The following FANCL variants were observed in gnomAD, a reference collection of about 807,000 sequenced individuals.
The protein encoded by FANCL is E3 ubiquitin-protein ligase FANCL.
A neutral mutation model predicts 59.4 loss-of-function variants in FANCL; 69 were observed. That is an observed-to-expected ratio of 1.16 (90% CI 0.96 to 1.42). FANCL has a LOEUF of 1.42. Among genes scored for constraint, FANCL ranks in the 40% most tolerant of loss-of-function variants. The pLI is 0.00. For missense variants in FANCL, 519 were observed against 447.2 expected (o/e 1.16, Z -1.45); for synonymous variants, 180 against 147.1 (o/e 1.22, Z -1.62).
At chr2:58,159,951 A>C in intron 13 of FANCL, 151 bp from the exon 14 acceptor site, 2 of 1,525,982 alleles carry the variant, frequency 1.3e-6, no homozygotes, top group Non-Finnish European at 1.8e-6. Flanking sequence ...CTAGAAAAGG[A>C]GTTTAATGTT....
At chr2:58,226,821 A>T in intron 3 of FANCL, 37 bp from the exon 4 acceptor site, 1 of 1,556,316 alleles carries the variant, frequency 6.4e-7, no homozygotes, top group South Asian at 1.1e-5. Context: ...TCATTTGCAC[A>T]ATAAATATTC....
intron 7 of FANCL, among the ~76,000 whole-genome samples, chr2:58,169,535 A>C (rs954591496): frequency 6.6e-6 from 1 of 152,112 alleles, no homozygotes; most frequent in Non-Finnish European, 1.5e-5. Flanking sequence ...AGGGAACAAA[A>C]CTGGACAGAG....
intron 1 of FANCL, among the ~76,000 whole-genome samples, chr2:58,234,320 G>A (rs1419087611): frequency 6.6e-6 from 1 of 151,804 alleles, no homozygotes; most frequent in African/African-American, 2.4e-5. Flanking sequence ...TGAATGAGCT[G>A]AATAAACGCA....
intron 7 of FANCL, among the ~76,000 whole-genome samples, chr2:58,167,896 C>T (rs1404878179): frequency 6.6e-6 from 1 of 152,034 alleles, no homozygotes; most frequent in Non-Finnish European, 1.5e-5. Context: ...GTAAGCTATG[C>T]GATTAATAGT....
intron 3 of FANCL, 102 bp downstream of exon 3, chr2:58,229,712 A>G (rs1693388029): frequency 3.4e-6 from 3 of 875,324 alleles, no homozygotes; most frequent in African/African-American, 1.7e-5. Context: ...CAACTATTAA[A>G]CCAGTTTGTT....
intron 12 of FANCL, 86 bp downstream of exon 12, chr2:58,161,436 G>T: frequency 7.8e-6 from 7 of 894,306 alleles, no homozygotes; most frequent in South Asian, 6.6e-5. Flanking sequence ...TGACTCAACA[G>T]ATTTTAGATT....
At chr2:58,182,560 G>A (rs551345739) in intron 7 of FANCL, among the ~76,000 whole-genome samples, 70 of 151,618 alleles carry the variant, frequency 4.6e-4, no homozygotes, top group Non-Finnish European at 8.3e-4. Flanking sequence ...AAATTTGTAA[G>A]AAATAAAACC....
At chr2:58,219,160 AAAAAAAAAAAAATATATATATAT>A (rs1333312342) in intron 5 of FANCL, among the ~76,000 whole-genome samples, 6 of 97,396 alleles carry the variant, frequency 6.2e-5, no homozygotes, top group African/African-American at 3.8e-4. Context: ...AAAAAAAAAA[AAAAAAAAAAAAATATATATATAT>A]ATATATATAT....
chr2:58,204,076 G>A, intron 6 of FANCL, 54 bp downstream of exon 6: 4 of 1,314,072 alleles, frequency 3.0e-6, no homozygotes, highest in Middle Eastern at 2.0e-4. Context: ...CATTCACAGA[G>A]TTCATTTCAC....
chr2:58,219,017 C>A (rs1458911733), intron 5 of FANCL, among the ~76,000 whole-genome samples: 1 of 150,524 alleles, frequency 6.6e-6, no homozygotes. Context: ...ATAGTGCCCA[C>A]ATCCTAGTTT....
Position 58,161,505 on chromosome 2 carries a change from A to G in FANCL, c.1020+17T>C, listed in dbSNP as rs752026540. Reference sequence around the variant, plus strand: ...GTGTTAGCGGAAAAAAGTCTTGACAATATTTTTATTTTTTACCTCATATAA... The same window carrying G: ...GTGTTAGCGGAAAAAAGTCTTGACAGTATTTTTATTTTTTACCTCATATAA... On this transcript the variant is annotated intron_variant, in intron 12 of 13. Transcript: ENST00000233741. 1.3e-5 allele frequency: 19 copies of G among 1,484,200 alleles called. No individual in the cohort carries two copies. The highest frequency in any genetic ancestry group is 1.4e-5 in the African/African-American group (1 of 71,880). The allele number at this position is 1,484,200 out of a possible 1,614,324, so 91.9% of individuals were successfully genotyped here.
Position 58,226,723 on chromosome 2 carries a change from CT to C in FANCL, c.273+4del. 1 of 1,603,034 alleles carries C rather than the reference CT, an allele frequency of 6.2e-7. No individual in the cohort carries two copies. The highest frequency in any genetic ancestry group is 8.5e-7 in the Non-Finnish European group (1 of 1,171,600). On this transcript the variant is annotated splice_donor_region_variant and intron_variant, in intron 4 of 13. Transcript: ENST00000233741. ...AACAGTGTCAGAAAAAAAAAAAATT[CT>C]TACCAAAAGCATCTTCAACTCCATC...
At chr2:58,174,501 T>A (rs370104694) in intron 7 of FANCL, among the ~76,000 whole-genome samples, 1 of 152,004 alleles carries the variant, frequency 6.6e-6, no homozygotes, top group Non-Finnish European at 1.5e-5. Context: ...AAACCGCTCA[T>A]CTACATGGAA....
intron 7 of FANCL, among the ~76,000 whole-genome samples, chr2:58,169,340 C>A (rs768056738): frequency 6.6e-6 from 1 of 152,130 alleles, no homozygotes; most frequent in African/African-American, 2.4e-5. Context: ...AACTAACAAA[C>A]AGAAAGCAAT....
intron 2 of FANCL, among the ~76,000 whole-genome samples, chr2:58,230,448 A>T (rs1318475027): frequency 6.6e-6 from 1 of 152,080 alleles, no homozygotes. Context: ...GACTACAGAC[A>T]CCCACCACCA....
chr2:58,193,208 A>G (rs944265527), intron 7 of FANCL, among the ~76,000 whole-genome samples: 2 of 152,064 alleles, frequency 1.3e-5, no homozygotes, highest in African/African-American at 2.4e-5. Context: ...TCTAAGAATT[A>G]TTTGGAATAA....
chr2:58,193,737 A>G (rs1049034748), intron 7 of FANCL, among the ~76,000 whole-genome samples: 2 of 152,158 alleles, frequency 1.3e-5, no homozygotes, highest in Non-Finnish European at 2.9e-5. Context: ...AAGAACTTCC[A>G]CAGGATTATT....
chr2:58,201,132 T>G (rs1016089358), intron 6 of FANCL, among the ~76,000 whole-genome samples: 3 of 150,440 alleles, frequency 2.0e-5, no homozygotes, highest in African/African-American at 7.3e-5. Context: ...TGTAGATGAC[T>G]AAATACAATA....
At chr2:58,188,473 T>C (rs1688623041) in intron 7 of FANCL, among the ~76,000 whole-genome samples, 1 of 152,022 alleles carries the variant, frequency 6.6e-6, no homozygotes, top group Admixed American at 6.6e-5. Context: ...AGGGTCTCTC[T>C]GTCACCCAGG....
Sources: allele counts gnomAD v4.1 joint callset (sites outside exome capture counted in the v4.1 genomes callset), GRCh38; gene constraint gnomAD v4.1.1; transcripts MANE v1.5; gene names NCBI Gene and HGNC (gene_info 2026-07-23, HGNC 2026-07-21).